Variants in NTRK3 observed in about 807,000 individuals in gnomAD.
NTRK3 encodes the protein neurotrophic receptor tyrosine kinase 3, also known as NT-3 growth factor receptor.
In NTRK3, 24 loss-of-function variants were observed where a neutral mutation model predicts 91.7. That is an observed-to-expected ratio of 0.26 (90% CI 0.19 to 0.37). The LOEUF is 0.37. Among genes scored for constraint, NTRK3 ranks in the 10% least tolerant of loss-of-function variants. NTRK3 has a pLI of 1.00. For synonymous variants in NTRK3, 483 were observed against 404.0 expected (o/e 1.20, Z -2.34); for missense variants, 880 against 1,068.9 (o/e 0.82, Z 2.46).
chr15:87,916,273 G>T (rs2067438354), intron 17 of NTRK3: 1 of 336,222 alleles, frequency 3.0e-6, no homozygotes, highest in African/African-American at 2.1e-5. Flanking sequence ...GGAAATTTAT[G>T]TATCTTTTTA....
At chr15:88,135,830 G>A (rs2041823208) in intron 9 of NTRK3, 69 bp downstream of exon 9, 3 of 1,587,252 alleles carry the variant, frequency 1.9e-6, no homozygotes, top group Non-Finnish European at 1.7e-6. Context: ...CAACACCTTG[G>A]CCCCTCTCCA....
chr15:88,006,975 G>C (rs1302161617), intron 14 of NTRK3, among the ~76,000 whole-genome samples: 2 of 152,148 alleles, frequency 1.3e-5, no homozygotes, highest in Non-Finnish European at 2.9e-5. Context: ...AGCTGGGAGA[G>C]GCACAGGGAG....
At position 88,095,766 on chromosome 15, in the gene NTRK3, C is replaced by T. The variant is rs1000221741; in HGVS notation, c.1396+30505G>A. On this transcript the variant is annotated intron_variant, in intron 13 of 18. Coordinates refer to ENST00000394480, the Ensembl canonical transcript of NTRK3. ...AGGGCGTAAAGGTGAAGCTTGGATA[C>T]TCCAATTGAAATGATTATACAGCCA... Among the ~76,000 whole-genome samples, 107 of 152,148 alleles carry T rather than the reference C, an allele frequency of 7.0e-4. 1 individual carries two copies. Among genetic ancestry groups the T allele is most frequent in the Non-Finnish European group, 2.1e-4 (14 of 68,024 alleles).
chr15:88,136,758 C>A, intron 7 of NTRK3, 149 bp from the exon 8 acceptor site: 1 of 938,904 alleles, frequency 1.1e-6, no homozygotes, highest in Non-Finnish European at 1.6e-6. Flanking sequence ...CCCGCAAATC[C>A]AAGACGCTTT....
chr15:87,919,528 G>A lies in NTRK3; in HGVS notation c.2133+9663C>T, dbSNP rs148732085. 2.8e-4 allele frequency among the ~76,000 whole-genome samples: 43 copies of A among 152,206 alleles called. 1 individual carries two copies. The East Asian group carries it at 8.1e-3, about 29-fold the overall frequency. On this transcript the variant is annotated intron_variant, in intron 17 of 18. Coordinates refer to ENST00000394480, the Ensembl canonical transcript of NTRK3. ...TACTTTTCAGAATACCTGAGTTGCA[G>A]GTAGATGTCCCCAACATTACCACCA...
chr15:88,028,748 C>T (rs1162519273), intron 14 of NTRK3, among the ~76,000 whole-genome samples: 1 of 152,150 alleles, frequency 6.6e-6, no homozygotes, highest in Non-Finnish European at 1.5e-5. Flanking sequence ...GAGGCAGTTG[C>T]CTCTCCCCAG....
intron 10 of NTRK3, among the ~76,000 whole-genome samples, chr15:88,133,651 G>A (rs951917193): frequency 3.9e-5 from 6 of 152,190 alleles, no homozygotes; most frequent in Non-Finnish European, 7.3e-5. Context: ...TAGACCATAA[G>A]AGCAAAATAT....
At chr15:88,048,112 T>C (rs565634065) in intron 13 of NTRK3, among the ~76,000 whole-genome samples, 5 of 152,294 alleles carry the variant, frequency 3.3e-5, no homozygotes, top group South Asian at 2.1e-4. Flanking sequence ...GACGCAGCCA[T>C]TGATTTTCCA....
chr15:88,181,219 G>A (rs149381733), intron 5 of NTRK3, among the ~76,000 whole-genome samples: 1 of 152,164 alleles, frequency 6.6e-6, no homozygotes, highest in African/African-American at 2.4e-5. Flanking sequence ...CCAAAGTCAT[G>A]GGCAGGTTCA....
intron 17 of NTRK3, among the ~76,000 whole-genome samples, chr15:87,906,339 A>G (rs2141694080): frequency 6.6e-6 from 1 of 152,352 alleles, no homozygotes; most frequent in Non-Finnish European, 1.5e-5. Context: ...CCCCACAGAA[A>G]GGCAGATGGG....
intron 16 of NTRK3, among the ~76,000 whole-genome samples, chr15:87,931,500 G>C (rs928941824): frequency 6.6e-6 from 1 of 152,170 alleles, no homozygotes; most frequent in Non-Finnish European, 1.5e-5. Flanking sequence ...ACCCCGTGAA[G>C]CAGTTATTAA....
chr15:88,167,620 G>A (rs2045103114), intron 5 of NTRK3, among the ~76,000 whole-genome samples: 1 of 152,160 alleles, frequency 6.6e-6, no homozygotes, highest in African/African-American at 2.4e-5. Context: ...GGTTAAGATA[G>A]CATATTGCTC....
intron 14 of NTRK3, among the ~76,000 whole-genome samples, chr15:87,970,237 G>T (rs1445002110): frequency 1.3e-5 from 2 of 152,188 alleles, no homozygotes; most frequent in African/African-American, 4.8e-5. Context: ...AGCCTGGGCG[G>T]ATGGCCAGGT....
chr15:88,199,435 C>T (rs1454848951), intron 3 of NTRK3, among the ~76,000 whole-genome samples: 1 of 152,170 alleles, frequency 6.6e-6, no homozygotes, highest in Non-Finnish European at 1.5e-5. Flanking sequence ...TCCTAAAAAG[C>T]CCTAGTAAAT....
At chr15:88,084,968 C>T (rs145890285) in intron 13 of NTRK3, among the ~76,000 whole-genome samples, 1 of 152,154 alleles carries the variant, frequency 6.6e-6, no homozygotes, top group African/African-American at 2.4e-5. Flanking sequence ...GCTGGGATAA[C>T]CTATATATCA....
exon 19 of NTRK3, chr15:87,864,807 GCTCAGCA>G: frequency 4.4e-6 from 1 of 229,744 alleles, no homozygotes; most frequent in Admixed American, 5.7e-5. Context: ...CAGTCTCTCA[GCTCAGCA>G]CCCAGCAAGA....
At chr15:88,144,134 C>T (rs1182434476) in intron 6 of NTRK3, 1 of 152,086 alleles carries the variant, frequency 6.6e-6, no homozygotes, top group Non-Finnish European at 1.5e-5. Context: ...GATTTTTGGA[C>T]AGACAGGTCT....
chr15:88,007,184 A>T (rs934664821), intron 14 of NTRK3, among the ~76,000 whole-genome samples: 7 of 152,242 alleles, frequency 4.6e-5, no homozygotes, highest in Non-Finnish European at 1.0e-4. Flanking sequence ...AGTTATATTC[A>T]TAATAACTAT....
chr15:88,175,993 C>T (rs999441937), intron 5 of NTRK3, among the ~76,000 whole-genome samples: 14 of 152,148 alleles, frequency 9.2e-5, no homozygotes, highest in African/African-American at 3.1e-4. Context: ...GAGAAGAAAT[C>T]TCAAAGAGGC....
Sources: allele counts gnomAD v4.1 joint callset (sites outside exome capture counted in the v4.1 genomes callset), GRCh38; gene constraint gnomAD v4.1.1; transcripts MANE v1.5; gene names NCBI Gene and HGNC (gene_info 2026-07-23, HGNC 2026-07-21).